The following NCKAP5 variants were observed in gnomAD, a reference collection of about 807,000 sequenced individuals.
The protein encoded by NCKAP5 is NCK associated protein 5, also known as nck-associated protein 5.
NCKAP5 carries 92 observed loss-of-function variants against 167.0 expected under a neutral mutation model. The ratio of observed to expected loss-of-function variants is 0.55; its 90% CI spans 0.47 to 0.66. The LOEUF is 0.66. Ranked by LOEUF, NCKAP5 falls within the 30% of genes least tolerant of loss-of-function variation. The probability of loss-of-function intolerance (pLI) is 0.00; values close to 1 mark genes in which losing one functional copy is unlikely to be tolerated. For synonymous variants in NCKAP5, 891 were observed against 877.4 expected (o/e 1.02, Z -0.27); for missense variants, 2,378 against 2,315.0 (o/e 1.03, Z -0.56).
chr2:133,526,218 AGG>A lies in NCKAP5; in HGVS notation c.-61-8633_-61-8632del, dbSNP rs1558755287. On this transcript the variant is annotated intron_variant, in intron 2 of 19. Coordinates refer to ENST00000409261, the MANE Select transcript of NCKAP5 (RefSeq NM_207363.3). ...AAGGAAGGAAGGAAGGAAGGAAGGA[AGG>A]AAGGAAGAAAGGAAAGGAGGGAGGG... is the stretch of plus-strand genomic sequence containing the variant. 1.4e-3 allele frequency among the ~76,000 whole-genome samples: 182 copies of A among 130,932 alleles called. 5 individuals are homozygous for A. The highest frequency in any genetic ancestry group is 0.01 in the Admixed American group (125 of 12,344). The allele number at this position is 130,932 out of a possible 152,430, so 85.9% of individuals were successfully genotyped here.
rs777986657 is a variant in NCKAP5, at chr2:132,784,932, G to A, written c.1879C>T (p.Leu627=). Residue 627 remains leucine (L), a synonymous_variant, in exon 14 of 20, where the codon CTA becomes TTA. Transcript: ENST00000409261. ...LDVLVGFGKS[L]CGSPEEEEKQ... ...TCCTCCTCTTCAGGAGACCCACATAGAGATTTTCCAAACCCCACAAGGACA... is the reference window on the plus strand; with the variant it reads ...TCCTCCTCTTCAGGAGACCCACATAAAGATTTTCCAAACCCCACAAGGACA... The A allele has an allele frequency of 1.3e-6, 2 of 1,597,902 alleles. No individual in the cohort carries two copies. The highest frequency in any genetic ancestry group is 1.3e-5 in the African/African-American group (1 of 74,334).
chr2:133,484,972 T>C (rs538215929), intron 3 of NCKAP5, among the ~76,000 whole-genome samples: 7 of 152,204 alleles, frequency 4.6e-5, no homozygotes, highest in Non-Finnish European at 7.3e-5. Flanking sequence ...GGCTAATCAT[T>C]AATATTTTTG....
chr2:133,115,575 A>C (rs189700704), intron 6 of NCKAP5, among the ~76,000 whole-genome samples: 6 of 151,920 alleles, frequency 3.9e-5, no homozygotes, highest in African/African-American at 1.4e-4. Flanking sequence ...CCTCAAAACA[A>C]GGTTTATTAA....
intron 9 of NCKAP5, among the ~76,000 whole-genome samples, chr2:132,877,132 C>T (rs1691342169): frequency 6.6e-6 from 1 of 152,180 alleles, no homozygotes; most frequent in African/African-American, 2.4e-5. Flanking sequence ...TAAACTTTGA[C>T]TGGACCACGA....
the NCKAP5 span, among the ~76,000 whole-genome samples, chr2:133,643,966 G>T: frequency 2.6e-5 from 4 of 152,116 alleles, no homozygotes; most frequent in East Asian, 7.7e-4. Flanking sequence ...ACTCAACTCC[G>T]GCATTAGTTC....
At chr2:132,933,274 C>T (rs1696580665) in intron 8 of NCKAP5, among the ~76,000 whole-genome samples, 1 of 152,118 alleles carries the variant, frequency 6.6e-6, no homozygotes, top group Non-Finnish European at 1.5e-5. Context: ...TTCAGTTATA[C>T]ACAACCATGG....
intron 16 of NCKAP5, among the ~76,000 whole-genome samples, chr2:132,740,091 T>C (rs1179998826): frequency 3.9e-5 from 6 of 152,034 alleles, no homozygotes; most frequent in Non-Finnish European, 2.9e-5. Context: ...ATCACCTTTT[T>C]CCCCTCTGCA....
intron 3 of NCKAP5, among the ~76,000 whole-genome samples, chr2:133,371,954 T>A (rs1015143813): frequency 6.6e-6 from 1 of 152,220 alleles, no homozygotes; most frequent in Admixed American, 6.5e-5. Context: ...CTGAAATATT[T>A]ACAAGCTTAT....
intron 6 of NCKAP5, among the ~76,000 whole-genome samples, chr2:133,106,340 GAGA>G (rs2081698486): frequency 6.7e-6 from 1 of 150,338 alleles, no homozygotes; most frequent in Non-Finnish European, 1.5e-5. Context: ...GATTGTATTA[GAGA>G]AGAAGAGCAT....
intron 19 of NCKAP5, among the ~76,000 whole-genome samples, chr2:132,700,566 A>G (rs908024785): frequency 6.6e-6 from 1 of 152,174 alleles, no homozygotes; most frequent in Admixed American, 6.6e-5. Context: ...TCCCAGCACC[A>G]TTTATTAAAT....
At chr2:133,033,398 TA>T (rs1438543467) in intron 6 of NCKAP5, among the ~76,000 whole-genome samples, 3 of 152,138 alleles carry the variant, frequency 2.0e-5, no homozygotes, top group Non-Finnish European at 4.4e-5. Context: ...TGACTACAAA[TA>T]AGCCCAGACA....
chr2:133,401,635 A>G (rs972506897), intron 3 of NCKAP5, among the ~76,000 whole-genome samples: 3 of 152,206 alleles, frequency 2.0e-5, no homozygotes, highest in Admixed American at 2.0e-4. Flanking sequence ...TTCTGTAGGT[A>G]GAAACCAATC....
chr2:133,062,632 G>A (rs2080045373), intron 6 of NCKAP5, among the ~76,000 whole-genome samples: 2 of 152,196 alleles, frequency 1.3e-5, no homozygotes, highest in South Asian at 4.1e-4. Context: ...GAGGTACTCA[G>A]GTGTGTGATC....
At chr2:133,459,589 T>C (rs1432568821) in intron 3 of NCKAP5, among the ~76,000 whole-genome samples, 1 of 152,140 alleles carries the variant, frequency 6.6e-6, no homozygotes, top group African/African-American at 2.4e-5. Context: ...GGATTTAACT[T>C]TAGTTATTAA....
chr2:132,935,515 C>G (rs886198471), intron 8 of NCKAP5, among the ~76,000 whole-genome samples: 3 of 152,052 alleles, frequency 2.0e-5, no homozygotes, highest in African/African-American at 4.8e-5. Flanking sequence ...AGAGCCCTTT[C>G]TGGGACAGGA....
intron 6 of NCKAP5, among the ~76,000 whole-genome samples, chr2:133,032,525 G>C (rs1246906112): frequency 1.3e-5 from 2 of 152,198 alleles, no homozygotes; most frequent in African/African-American, 2.4e-5. Context: ...CCACCTAGGG[G>C]CCTGGGGGAC....
At chr2:133,156,699 T>C (rs2083590304) in intron 5 of NCKAP5, among the ~76,000 whole-genome samples, 2 of 152,272 alleles carry the variant, frequency 1.3e-5, no homozygotes, top group South Asian at 4.2e-4. Flanking sequence ...CCGGGATAAT[T>C]GGGTATTAGC....
intron 8 of NCKAP5, among the ~76,000 whole-genome samples, chr2:132,932,164 G>C (rs2149060134): frequency 6.6e-6 from 1 of 152,234 alleles, no homozygotes; most frequent in South Asian, 2.1e-4. Flanking sequence ...AAGGAGGACT[G>C]TTTTATATGC....
At position 133,517,522 on chromosome 2, in the gene NCKAP5, T is replaced by C. The variant is rs1684105605; in HGVS notation, c.5A>G (p.Glu2Gly). The change falls in exon 3 of 20, where the codon GAG becomes GGG. Residue 2 changes from glutamate (E) to glycine (G), a missense_variant. Physicochemically the swap from Glu to Gly is moderately conservative, Grantham distance 98. Around this residue, in one of 3 missense-constraint regions of NCKAP5, gnomAD observed 1,049 missense variants for 1,023.4 expected, o/e 1.02. Transcript: ENST00000409261. MEGKRQLEKRDF... is the reference protein window; with the variant it reads MGGKRQLEKRDF... ...CCTTTTCTCAAGCTGTCTCTTTCCC[T>C]CCATGGATGAAGTTATTTATTTTCT... The C allele has an allele frequency of 2.0e-6, 3 of 1,529,286 alleles. No homozygotes were observed. The highest frequency in any genetic ancestry group is 4.3e-5 in the Admixed American group (2 of 47,016). 94.7% of individuals were successfully genotyped at this position (1,529,286 alleles called of 1,614,324 possible). A position where few individuals can be genotyped will look rare whatever the true frequency, so the allele number is the denominator to read the frequency against.
Sources: gnomAD v4.1 joint callset for allele counts (sites outside exome capture counted in the v4.1 genomes callset) on GRCh38, gnomAD v4.1.1 for gene constraint, gnomAD v4.1.1 regional missense constraint, MANE v1.5 for transcripts, NCBI Gene and HGNC (gene_info 2026-07-23, HGNC 2026-07-21) for gene names.